FOXN3: variants seen among roughly 807,000 people sequenced by gnomAD.
The protein encoded by FOXN3 is forkhead box protein N3.
Under a neutral mutation model 38.4 loss-of-function variants are expected in FOXN3, and 7 were observed. The observed-to-expected ratio is 0.18, with a 90% CI of 0.10 to 0.34. FOXN3 has a LOEUF of 0.34. Ranked by LOEUF, FOXN3 falls within the 10% of genes least tolerant of loss-of-function variation. The probability of loss-of-function intolerance (pLI) is 1.00; values close to 1 mark genes in which losing one functional copy is unlikely to be tolerated. For missense variants in FOXN3, 456 were observed against 613.4 expected (o/e 0.74, Z 2.71); for synonymous variants, 230 against 242.2 (o/e 0.95, Z 0.47).
chr14:89,530,299 G>A (rs1174507982), intron 1 of FOXN3, among the ~76,000 whole-genome samples: 2 of 152,194 alleles, frequency 1.3e-5, no homozygotes, highest in Non-Finnish European at 2.9e-5. Flanking sequence ...CACTTGGCTA[G>A]GAAGACATGA....
At chr14:89,180,032 G>A (rs188598838) in intron 5 of FOXN3, among the ~76,000 whole-genome samples, 114 of 152,354 alleles carry the variant, frequency 7.5e-4, no homozygotes, top group African/African-American at 2.7e-3. Context: ...AGGAGTGGGT[G>A]TAGAAGCAGC....
chr14:89,584,172 A>G (rs1009525922), intron 1 of FOXN3, among the ~76,000 whole-genome samples: 7 of 151,564 alleles, frequency 4.6e-5, no homozygotes, highest in South Asian at 2.1e-4. Context: ...ACACTAGGTA[A>G]TTTATAAAGA....
In FOXN3 at chr14:89,156,710, G is replaced by C. The variant is rs570028328; in HGVS notation, c.*5704C>G. On this transcript the variant is annotated 3_prime_UTR_variant, in exon 6 of 6. Coordinates refer to ENST00000557258, the MANE Select transcript of FOXN3 (RefSeq NM_005197.4). Reference sequence around the variant, plus strand: ...TCAGAGTATTAAAAAATGTACAAGTGTATATGCTTCCCAGACACACATGGA... The same window carrying C: ...TCAGAGTATTAAAAAATGTACAAGTCTATATGCTTCCCAGACACACATGGA... The C allele has an allele frequency of 6.6e-6, 1 of 151,646 alleles. No homozygotes were observed. The highest frequency in any genetic ancestry group is 1.5e-5 in the Non-Finnish European group (1 of 67,962). The allele number at this position is 151,646 out of a possible 1,614,324, so 9.4% of individuals were successfully genotyped here. A position where few individuals can be genotyped will look rare whatever the true frequency, so the allele number is the denominator to read the frequency against.
intron 5 of FOXN3, among the ~76,000 whole-genome samples, chr14:89,174,778 G>A (rs959555416): frequency 3.3e-5 from 5 of 152,144 alleles, no homozygotes; most frequent in African/African-American, 1.2e-4. Context: ...TTGTGTAACT[G>A]GGATTCTTTC....
chr14:89,473,653 C>T (rs909115994), intron 1 of FOXN3, among the ~76,000 whole-genome samples: 1 of 152,174 alleles, frequency 6.6e-6, no homozygotes, highest in African/African-American at 2.4e-5. Context: ...CAGGCACAAG[C>T]CACCACAGTT....
chr14:89,370,521 T>C (rs2140055468), intron 2 of FOXN3, among the ~76,000 whole-genome samples: 1 of 152,358 alleles, frequency 6.6e-6, no homozygotes, highest in South Asian at 2.1e-4. Flanking sequence ...GGGAAACTCA[T>C]GCACATCTGT....
chr14:89,473,549 T>C (rs1365100416), intron 1 of FOXN3, among the ~76,000 whole-genome samples: 1 of 152,090 alleles, frequency 6.6e-6, no homozygotes, highest in Non-Finnish European at 1.5e-5. Context: ...TTAATTTTTT[T>C]GTAGAGATAG....
intron 1 of FOXN3, among the ~76,000 whole-genome samples, chr14:89,607,963 T>C (rs1321301041): frequency 2.7e-5 from 4 of 147,242 alleles, no homozygotes; most frequent in Admixed American, 6.9e-5. Context: ...ACTACAGGCA[T>C]GCGCCACAAC....
intron 4 of FOXN3, among the ~76,000 whole-genome samples, chr14:89,256,466 T>G (rs1265936125): frequency 6.6e-6 from 1 of 152,194 alleles, no homozygotes; most frequent in Non-Finnish European, 1.5e-5. Flanking sequence ...GGTGGACGTC[T>G]ATTTTGGTCA....
rs368359011 is a variant in FOXN3, at chr14:89,161,556, C to CGT, written c.*856_*857dup. On this transcript the variant is annotated 3_prime_UTR_variant, in exon 6 of 6. Coordinates refer to ENST00000557258, the MANE Select transcript of FOXN3 (RefSeq NM_005197.4). ...CCATCAGTTTTCTCTCTCTCTCCTTCGTGTGTGTGTGTGTGTGTGTGTGTG... is the reference window on the plus strand; with the variant it reads ...CCATCAGTTTTCTCTCTCTCTCCTTCGTGTGTGTGTGTGTGTGTGTGTGTGTG... 0.1 allele frequency: 10,983 copies of CGT among 109,288 alleles called. 443 individuals are homozygous for CGT. The highest frequency in any genetic ancestry group is 0.17 in the Middle Eastern group (34 of 202). The allele number at this position is 109,288 out of a possible 1,614,324, so 6.8% of individuals were successfully genotyped here.
intron 1 of FOXN3, among the ~76,000 whole-genome samples, chr14:89,465,632 C>T (rs991385079): frequency 1.3e-5 from 2 of 152,228 alleles, no homozygotes; most frequent in East Asian, 1.9e-4. Context: ...TCAAAAGAGA[C>T]TCCCTGAAAC....
chr14:89,209,820 C>T (rs186679810), intron 4 of FOXN3, among the ~76,000 whole-genome samples: 6 of 152,270 alleles, frequency 3.9e-5, no homozygotes, highest in South Asian at 4.2e-4. Context: ...ATCACAACAA[C>T]GGTATTTAAT....
chr14:89,168,650 C>T (rs1043027424), intron 5 of FOXN3, among the ~76,000 whole-genome samples: 2 of 152,038 alleles, frequency 1.3e-5, no homozygotes, highest in Admixed American at 1.3e-4. Flanking sequence ...CCAACGGAAA[C>T]CTAACTGGAG....
intron 3 of FOXN3, among the ~76,000 whole-genome samples, chr14:89,328,103 A>T (rs1345500330): frequency 6.6e-6 from 1 of 152,248 alleles, no homozygotes; most frequent in Non-Finnish European, 1.5e-5. Flanking sequence ...GTTAAACTAC[A>T]GCACTTTTGT....
At chr14:89,381,490 G>T (rs1022219658) in intron 2 of FOXN3, among the ~76,000 whole-genome samples, 1 of 140,656 alleles carries the variant, frequency 7.1e-6, no homozygotes, top group African/African-American at 2.6e-5. Context: ...TGCCAAGTCT[G>T]GCTAGGCCCT....
chr14:89,232,591 T>G (rs1047991594), intron 4 of FOXN3, among the ~76,000 whole-genome samples: 4 of 152,204 alleles, frequency 2.6e-5, no homozygotes, highest in African/African-American at 7.2e-5. Flanking sequence ...AGCCCAGAGT[T>G]GTGCAAACCA....
chr14:89,445,069 C>A (rs1892465571), intron 1 of FOXN3, among the ~76,000 whole-genome samples: 1 of 151,828 alleles, frequency 6.6e-6, no homozygotes, highest in Non-Finnish European at 1.5e-5. Flanking sequence ...CTGAAGTGGG[C>A]CATGATTGAG....
chr14:89,431,188 C>G (rs1892148052), intron 1 of FOXN3, among the ~76,000 whole-genome samples: 1 of 152,096 alleles, frequency 6.6e-6, no homozygotes, highest in African/African-American at 2.4e-5. Flanking sequence ...GTGTTTAGCA[C>G]ATTTTTTTTT....
chr14:89,379,178 G>C (rs1215056167), intron 2 of FOXN3, among the ~76,000 whole-genome samples: 1 of 152,174 alleles, frequency 6.6e-6, no homozygotes, highest in Non-Finnish European at 1.5e-5. Context: ...TGCAGCTACT[G>C]GTCTGGCTGT....
Sources: gnomAD v4.1 joint callset for allele counts (sites outside exome capture counted in the v4.1 genomes callset) on GRCh38, gnomAD v4.1.1 for gene constraint, MANE v1.5 for transcripts, NCBI Gene and HGNC (gene_info 2026-07-23, HGNC 2026-07-21) for gene names.